The following PDZD2 variants were observed in gnomAD, a reference collection of about 807,000 sequenced individuals.
PDZD2 encodes the protein PDZ domain containing 2.
Under a neutral mutation model 220.7 loss-of-function variants are expected in PDZD2, and 90 were observed. The observed-to-expected ratio is 0.41, with a 90% CI of 0.34 to 0.49. PDZD2 has a LOEUF of 0.49. Ranked by LOEUF, PDZD2 falls within the 20% of genes least tolerant of loss-of-function variation. The pLI is 0.28. For synonymous variants in PDZD2, 1,375 were observed against 1,450.5 expected, an observed-to-expected ratio of 0.95 and a Z score of 1.18; for missense variants, 3,174 against 3,608.5, an observed-to-expected ratio of 0.88 and a Z score of 3.08.
intron 2 of PDZD2, among the ~76,000 whole-genome samples, chr5:31,853,454 G>A (rs1422033263): frequency 6.6e-6 from 1 of 152,134 alleles, no homozygotes; most frequent in Non-Finnish European, 1.5e-5. Flanking sequence ...CCTGTTTCTG[G>A]GTTGGCTGTT....
intron 1 of PDZD2, among the ~76,000 whole-genome samples, chr5:31,662,311 CAAAT>C (rs998463930): frequency 7.4e-4 from 113 of 152,000 alleles, no homozygotes; most frequent in African/African-American, 2.6e-3. Flanking sequence ...AACTCCATCT[CAAAT>C]AAATAAATAA....
chr5:31,796,167 G>A (rs924108414), intron 1 of PDZD2, among the ~76,000 whole-genome samples: 10 of 152,084 alleles, frequency 6.6e-5, no homozygotes, highest in Admixed American at 2.0e-4. Flanking sequence ...AACAACTCAA[G>A]GTAAAGTTTA....
At chr5:31,816,921 C>T (rs1755496045) in intron 2 of PDZD2, among the ~76,000 whole-genome samples, 1 of 152,194 alleles carries the variant, frequency 6.6e-6, no homozygotes. Context: ...CCATGGCTCA[C>T]GCCTGTAATC....
chr5:32,095,551 A>G (rs1247974083), intron 21 of PDZD2, among the ~76,000 whole-genome samples: 1 of 152,122 alleles, frequency 6.6e-6, no homozygotes, highest in Non-Finnish European at 1.5e-5. Context: ...AGAGCTCTTG[A>G]TGGTTGATCT....
At chr5:32,037,477 A>C in intron 7 of PDZD2, 135 bp downstream of exon 7, 1 of 612,506 alleles carries the variant, frequency 1.6e-6, no homozygotes, top group East Asian at 2.8e-5. Flanking sequence ...TGGATGGTGC[A>C]TATCCCAGGC....
rs1259622115 is a variant in PDZD2, at chr5:32,090,582, T to G, written c.7134T>G (p.Val2378=). ...PIGRRSSGSI[V]SGSLGHPGDA... ...GGAGGCGGTCTTCCGGCAGCATTGT[T>G]TCCGGGAGCCTGGGCCACCCAGGTG... The change falls in exon 20 of 25, where the codon GTT becomes GTG. Residue 2378 remains valine (V), a synonymous_variant. Coordinates refer to ENST00000438447, the MANE Select transcript of PDZD2 (RefSeq NM_178140.4). This position sits in a 1 kb window ranked among gnomAD's most constrained non-coding sequence, Gnocchi z 4.3. The G allele has an allele frequency of 1.2e-6, 2 of 1,614,042 alleles. No individual in the cohort carries two copies. Among genetic ancestry groups the G allele is most frequent in the Non-Finnish European group, 1.7e-6 (2 of 1,180,002 alleles).
At chr5:31,899,424 C>A (rs911212268) in intron 2 of PDZD2, among the ~76,000 whole-genome samples, 1 of 152,104 alleles carries the variant, frequency 6.6e-6, no homozygotes, top group Non-Finnish European at 1.5e-5. Flanking sequence ...TGAGCCAGTG[C>A]GCCGGGCTGG....
At chr5:32,006,494 A>G (rs2112052229) in intron 5 of PDZD2, among the ~76,000 whole-genome samples, 1 of 151,766 alleles carries the variant, frequency 6.6e-6, no homozygotes, top group Admixed American at 6.6e-5. Context: ...AACTGGGACT[A>G]CAGACACGTG....
chr5:31,689,012 A>G (rs1180144512), intron 1 of PDZD2, among the ~76,000 whole-genome samples: 1 of 152,198 alleles, frequency 6.6e-6, no homozygotes, highest in Non-Finnish European at 1.5e-5. Flanking sequence ...GGACTTGTCC[A>G]GACCCTATTT....
intron 2 of PDZD2, among the ~76,000 whole-genome samples, chr5:31,944,695 C>T (rs1746479585): frequency 6.6e-6 from 1 of 152,220 alleles, no homozygotes. Flanking sequence ...GAAGCTCAGG[C>T]TCTGGGAGAG....
intron 1 of PDZD2, among the ~76,000 whole-genome samples, chr5:31,669,365 ACG>A (rs1393622196): frequency 6.8e-6 from 1 of 147,704 alleles, no homozygotes; most frequent in African/African-American, 2.5e-5. Flanking sequence ...TTGTGCCTCT[ACG>A]CTCCAGCCTG....
At chr5:31,918,975 C>T (rs187779042) in intron 2 of PDZD2, among the ~76,000 whole-genome samples, 3 of 152,350 alleles carry the variant, frequency 2.0e-5, no homozygotes, top group Admixed American at 6.5e-5. Flanking sequence ...TTCACCACGG[C>T]TGTGCACTGA....
chr5:31,704,934 G>T (rs1275549768), intron 1 of PDZD2, among the ~76,000 whole-genome samples: 3 of 152,170 alleles, frequency 2.0e-5, no homozygotes, highest in African/African-American at 7.2e-5. Context: ...GCCGAGGTGG[G>T]CGGGTCATTT....
In PDZD2 at chr5:32,093,008, C is replaced by T. The variant is rs372031921; in HGVS notation, c.7829C>T (p.Ala2610Val). 41 of 1,553,704 alleles carry T rather than the reference C, an allele frequency of 2.6e-5. No homozygotes were observed. The African/African-American group carries it at 4.1e-4, about 15-fold the overall frequency. ...ACCATCCTAACTCTCATTCAGGAAG[C>T]GAAAGCACAATCAGAGGTGAGTGAA... Reference protein sequence around the residue: ...KSTILTLIQEAKAQSENEEDV... With the variant: ...KSTILTLIQEVKAQSENEEDV... Residue 2610 changes from alanine to valine, a missense_variant, in exon 21 of 25, where the codon GCG (alanine) becomes GTG (valine). Ala to Val is a moderately conservative substitution (Grantham distance 64). Coordinates refer to ENST00000438447, the MANE Select transcript of PDZD2 (RefSeq NM_178140.4).
At chr5:31,662,742 G>C (rs935283319) in intron 1 of PDZD2, among the ~76,000 whole-genome samples, 3 of 152,324 alleles carry the variant, frequency 2.0e-5, no homozygotes, top group African/African-American at 7.2e-5. Context: ...CCATTCTCCT[G>C]CCTCAGCCTC....
intron 6 of PDZD2, among the ~76,000 whole-genome samples, chr5:32,012,061 G>C (rs1320371271): frequency 2.0e-5 from 3 of 152,182 alleles, no homozygotes; most frequent in Non-Finnish European, 2.9e-5. Flanking sequence ...TTCAGCTCCA[G>C]CACAGCTCCA....
chr5:31,924,266 G>T (rs6863478), intron 2 of PDZD2, among the ~76,000 whole-genome samples: 1 of 152,070 alleles, frequency 6.6e-6, no homozygotes, highest in East Asian at 1.9e-4. Context: ...TGCCTGTTCC[G>T]CAAGCCTGCC....
intron 2 of PDZD2, among the ~76,000 whole-genome samples, chr5:31,869,478 G>T (rs902739703): frequency 1.3e-5 from 2 of 151,984 alleles, no homozygotes; most frequent in African/African-American, 4.8e-5. Flanking sequence ...CAGGAGAATG[G>T]CCGTGAACCT....
rs1263672602 is a variant in PDZD2, at chr5:32,057,978, C to T, written c.2075C>T (p.Ser692Phe). Residue 692 changes from serine to phenylalanine, a missense_variant, in exon 12 of 25, where the codon TCC (serine) becomes TTC (phenylalanine). This residue lies in a region of PDZD2 where 1,861 missense variants were observed against 2,001.0 expected (regional missense o/e 0.93). Coordinates refer to ENST00000438447, the MANE Select transcript of PDZD2 (RefSeq NM_178140.4). ...CCCACACACATGAGCAGATCCGCCT[C>T]CCCGAACTTCAATACCAGTGGGGGA... ...STPTHMSRSA[S>F]PNFNTSGGAS... 5 of 1,613,708 alleles carry T rather than the reference C, an allele frequency of 3.1e-6. No individual in the cohort carries two copies. In the East Asian group the frequency reaches 1.1e-4, roughly 36 times the overall value.
Sources: gnomAD v4.1 joint callset for allele counts (sites outside exome capture counted in the v4.1 genomes callset) on GRCh38, gnomAD v4.1.1 for gene constraint, gnomAD v4.1.1 regional missense constraint, Gnocchi (gnomAD v3.1) non-coding constraint, MANE v1.5 for transcripts, NCBI Gene and HGNC (gene_info 2026-07-23, HGNC 2026-07-21) for gene names.